Variants in IGF2BP3 observed in about 807,000 individuals in gnomAD.
The protein encoded by IGF2BP3 is insulin like growth factor 2 mRNA binding protein 3.
Under a neutral mutation model 73.8 loss-of-function variants are expected in IGF2BP3, and 9 were observed. The observed-to-expected ratio is 0.12, with a 90% CI of 0.07 to 0.21. The LOEUF (loss-of-function observed/expected upper bound fraction) is 0.21. IGF2BP3 is among the 10% of genes least tolerant of loss of function. The pLI, the probability that IGF2BP3 is intolerant of heterozygous loss-of-function variation, is 1.00. For missense variants in IGF2BP3, 542 were observed against 714.0 expected, an observed-to-expected ratio of 0.76 and a Z score of 2.75; for synonymous variants, 258 against 256.7, an observed-to-expected ratio of 1.01 and a Z score of -0.05.
chr7:23,340,899 G>C lies in IGF2BP3; in HGVS notation c.1203+1165C>G, dbSNP rs553438847. On this transcript the variant is annotated intron_variant, in intron 10 of 14. Transcript: ENST00000258729. ...GAGTTTCGCTCTGTCGCCCAGGCTG[G>C]AGTGCAATGGCGCAATCTCAGCTCA... Among the ~76,000 whole-genome samples the C allele has an allele frequency of 3.1e-4, 47 of 149,914 alleles. 1 individual carries two copies. The East Asian group carries it at 7.2e-3, about 23-fold the overall frequency.
intron 6 of IGF2BP3, among the ~76,000 whole-genome samples, chr7:23,349,406 T>TA (rs1784906482): frequency 2.0e-5 from 3 of 152,214 alleles, no homozygotes; most frequent in South Asian, 2.1e-4. Context: ...AAATAACTAA[T>TA]AAAAAAATAG....
intron 5 of IGF2BP3, among the ~76,000 whole-genome samples, chr7:23,352,650 A>G (rs769160126): frequency 6.6e-6 from 1 of 152,036 alleles, no homozygotes; most frequent in Admixed American, 6.6e-5. Context: ...TTGAGCATAA[A>G]TTTCAGTGAA....
At chr7:23,379,837 T>A (rs1785850167) in intron 3 of IGF2BP3, among the ~76,000 whole-genome samples, 3 of 152,196 alleles carry the variant, frequency 2.0e-5, no homozygotes, top group African/African-American at 7.2e-5. Context: ...CTCTTATAGC[T>A]TATATTTGGT....
At chr7:23,460,130 C>T (rs1277535949) in intron 2 of IGF2BP3, among the ~76,000 whole-genome samples, 3 of 140,548 alleles carry the variant, frequency 2.1e-5, no homozygotes, top group African/African-American at 5.4e-5. Context: ...GTAGTCTACA[C>T]CTGTGATCAC....
At chr7:23,368,002 TAAAAACAAAA>T (rs982060043) in intron 3 of IGF2BP3, among the ~76,000 whole-genome samples, 3 of 147,176 alleles carry the variant, frequency 2.0e-5, no homozygotes, top group East Asian at 2.0e-4. Context: ...TCCATCTATT[TAAAAACAAAA>T]AAAAACAAAA....
chr7:23,402,853 A>ATT (rs1786710059), intron 3 of IGF2BP3: 1 of 152,250 alleles, frequency 6.6e-6, no homozygotes. Flanking sequence ...GGAAGGAATG[A>ATT]TTTAGAACAG....
intron 3 of IGF2BP3, among the ~76,000 whole-genome samples, chr7:23,415,939 G>A (rs1456083897): frequency 6.6e-6 from 1 of 152,194 alleles, no homozygotes; most frequent in Non-Finnish European, 1.5e-5. Context: ...CTAAGGCTGA[G>A]AGCTGGTGAA....
intron 3 of IGF2BP3, among the ~76,000 whole-genome samples, chr7:23,407,352 T>C (rs1405471979): frequency 6.6e-6 from 1 of 151,466 alleles, no homozygotes; most frequent in Non-Finnish European, 1.5e-5. Context: ...TTCATGCCTG[T>C]AATCCCAGCA....
At chr7:23,322,891 A>C (rs1784196602) in intron 10 of IGF2BP3, among the ~76,000 whole-genome samples, 1 of 152,224 alleles carries the variant, frequency 6.6e-6, no homozygotes, top group Non-Finnish European at 1.5e-5. Flanking sequence ...TGTCACCACC[A>C]GGCCTGCCCT....
intron 3 of IGF2BP3, among the ~76,000 whole-genome samples, chr7:23,381,384 C>T (rs184767587): frequency 6.6e-6 from 1 of 152,298 alleles, no homozygotes; most frequent in East Asian, 1.9e-4. Context: ...AGGCTACACC[C>T]GTTTCTCAAA....
chr7:23,402,325 T>C (rs145905735), intron 3 of IGF2BP3: 1 of 152,214 alleles, frequency 6.6e-6, no homozygotes, highest in Non-Finnish European at 1.5e-5. Flanking sequence ...TCCGTAAGTA[T>C]ATAAAGCTAA....
chr7:23,336,514 C>CT (rs923062497), intron 10 of IGF2BP3, among the ~76,000 whole-genome samples: 37 of 148,344 alleles, frequency 2.5e-4, no homozygotes, highest in Admixed American at 5.4e-4. Flanking sequence ...TTTTTCTCTT[C>CT]TTTTTTTTTG....
chr7:23,361,476 T>C, intron 5 of IGF2BP3, 58 bp downstream of exon 5: 3 of 1,429,360 alleles, frequency 2.1e-6, no homozygotes, highest in Non-Finnish European at 1.9e-6. Context: ...ATCCGCAAAA[T>C]ATGTTACTGT....
intron 2 of IGF2BP3, among the ~76,000 whole-genome samples, chr7:23,434,172 G>C (rs1787754604): frequency 6.6e-6 from 1 of 151,502 alleles, no homozygotes; most frequent in African/African-American, 2.4e-5. Flanking sequence ...AACTGTACCT[G>C]CAAGAAGAGG....
chr7:23,465,468 ATTGGGAGCTAAGC>A (rs1235399772), intron 2 of IGF2BP3, among the ~76,000 whole-genome samples: 1 of 152,200 alleles, frequency 6.6e-6, no homozygotes, highest in African/African-American at 2.4e-5. Flanking sequence ...GACCTCAGTA[ATTGGGAGCTAAGC>A]TTGGTCTGAA....
At chr7:23,362,581 TGTTA>T (rs1202953038) in intron 3 of IGF2BP3, 2 of 152,360 alleles carry the variant, frequency 1.3e-5, no homozygotes, top group African/African-American at 4.8e-5. Context: ...ATGGAGAGGC[TGTTA>T]GAACAGTAAC....
chr7:23,393,197 A>G (rs189386811), intron 3 of IGF2BP3, among the ~76,000 whole-genome samples: 42 of 152,014 alleles, frequency 2.8e-4, no homozygotes, highest in Non-Finnish European at 2.9e-4. Context: ...CTGTGCTATC[A>G]CCTCACCAAT....
At chr7:23,448,588 G>C (rs2128547508) in intron 2 of IGF2BP3, among the ~76,000 whole-genome samples, 1 of 151,794 alleles carries the variant, frequency 6.6e-6, no homozygotes, top group African/African-American at 2.4e-5. Flanking sequence ...TTTTTGTAGA[G>C]ATGAGGGTCT....
intron 5 of IGF2BP3, among the ~76,000 whole-genome samples, chr7:23,354,711 G>A (rs1223790967): frequency 6.6e-6 from 1 of 152,156 alleles, no homozygotes; most frequent in African/African-American, 2.4e-5. Flanking sequence ...GAAAAGAAAA[G>A]ATTCTCTCAC....
Sources: allele counts gnomAD v4.1 joint callset (sites outside exome capture counted in the v4.1 genomes callset), GRCh38; gene constraint gnomAD v4.1.1; transcripts MANE v1.5; gene names NCBI Gene and HGNC (gene_info 2026-07-23, HGNC 2026-07-21).